The following FNDC3B variants were observed in gnomAD, a reference collection of about 807,000 sequenced individuals.
The protein encoded by FNDC3B is fibronectin type III domain-containing protein 3B.
In FNDC3B, 12 loss-of-function variants were observed where a neutral mutation model predicts 151.5. That is an observed-to-expected ratio of 0.08 (90% CI 0.05 to 0.13). The LOEUF (loss-of-function observed/expected upper bound fraction) is 0.13. Among genes scored for constraint, FNDC3B ranks in the 10% least tolerant of loss-of-function variants. The pLI is 1.00. For synonymous variants in FNDC3B, 528 were observed against 549.0 expected, an observed-to-expected ratio of 0.96 and a Z score of 0.54; for missense variants, 1,214 against 1,505.3, an observed-to-expected ratio of 0.81 and a Z score of 3.20.
rs1729784081 is a variant in FNDC3B at position 172,282,462 on chromosome 3, T to TCCCCATG, written c.791-3460_791-3454dup. On this transcript the variant is annotated intron_variant, in intron 6 of 25. Coordinates refer to ENST00000415807, the MANE Select transcript of FNDC3B (RefSeq NM_022763.4). ...GTGATTGCTTTGTCACTGCCTTCCC[T>TCCCCATG]CCCCATGCCCTGCCATTTTTATTTT... is the stretch of plus-strand genomic sequence containing the variant. 5.9e-5 allele frequency among the ~76,000 whole-genome samples: 9 copies of TCCCCATG among 152,294 alleles called. No homozygotes were observed. The South Asian group carries it at 1.9e-3, about 32-fold the overall frequency.
At chr3:172,059,763 T>G (rs1434083124) in intron 1 of FNDC3B, among the ~76,000 whole-genome samples, 2 of 152,208 alleles carry the variant, frequency 1.3e-5, no homozygotes. Flanking sequence ...TTGCTTAACT[T>G]TTAGCATAAT....
chr3:172,336,334 A>G (rs569093608), intron 15 of FNDC3B, among the ~76,000 whole-genome samples: 1 of 152,310 alleles, frequency 6.6e-6, no homozygotes, highest in South Asian at 2.1e-4. Flanking sequence ...CTCAGAAAAT[A>G]AAATTCCTTT....
intron 1 of FNDC3B, among the ~76,000 whole-genome samples, chr3:172,094,977 G>T (rs1167721660): frequency 2.0e-5 from 3 of 151,902 alleles, no homozygotes; most frequent in East Asian, 1.9e-4. Context: ...CTGAACTAGG[G>T]TGTTGCTGCT....
At chr3:172,046,731 G>T (rs893245684) in intron 1 of FNDC3B, among the ~76,000 whole-genome samples, 1 of 152,258 alleles carries the variant, frequency 6.6e-6, no homozygotes, top group East Asian at 1.9e-4. Context: ...AGTGTTATTT[G>T]AGGTTCTAGT....
At position 172,189,473 on chromosome 3, in the gene FNDC3B, G is replaced by A. The variant is rs1032094763; in HGVS notation, c.188-37398G>A. On this transcript the variant is annotated intron_variant, in intron 3 of 25. Transcript: ENST00000415807. ...GTTCTATTTTTGGAGTATGAAAGTA[G>A]TGCCTTCTTAAATCTAATAATAAAT... Among the ~76,000 whole-genome samples the A allele has an allele frequency of 1.6e-4, 24 of 152,294 alleles. No individual in the cohort carries two copies. The East Asian group carries it at 4.2e-3, about 27-fold the overall frequency.
intron 2 of FNDC3B, 131 bp downstream of exon 2, chr3:172,112,721 T>C (rs1720038554): frequency 1.5e-6 from 1 of 688,852 alleles, no homozygotes; most frequent in Admixed American, 2.2e-5. Context: ...AGTGTTTTTG[T>C]TGTAGAAATA....
At chr3:172,051,249 A>G (rs762663308) in intron 1 of FNDC3B, among the ~76,000 whole-genome samples, 80 of 148,308 alleles carry the variant, frequency 5.4e-4, no homozygotes, top group Non-Finnish European at 8.3e-4. Flanking sequence ...ATACCTGGCT[A>G]ATTTTGTATT....
intron 6 of FNDC3B, among the ~76,000 whole-genome samples, chr3:172,269,358 A>G (rs1010871686): frequency 2.0e-5 from 3 of 152,070 alleles, no homozygotes; most frequent in Admixed American, 1.3e-4. Context: ...ACTGCATCTC[A>G]AGTGATCCTC....
rs532571853 is a variant in FNDC3B at position 172,343,761 on chromosome 3, T to C, written c.2078-325T>C. 2.0e-5 allele frequency among the ~76,000 whole-genome samples: 3 copies of C among 152,358 alleles called. No individual in the cohort carries two copies. The South Asian group carries it at 6.2e-4, about 32-fold the overall frequency. ...TTTAGCATGACCTTTGGTTTCCAATTAAAGAGATTTTTCTTCCCTCTTTTT... is the reference window on the plus strand; with the variant it reads ...TTTAGCATGACCTTTGGTTTCCAATCAAAGAGATTTTTCTTCCCTCTTTTT... On this transcript the variant is annotated intron_variant, in intron 18 of 25. Transcript: ENST00000415807.
chr3:172,082,485 A>G (rs975455092), intron 1 of FNDC3B, among the ~76,000 whole-genome samples: 1 of 152,220 alleles, frequency 6.6e-6, no homozygotes, highest in African/African-American at 2.4e-5. Context: ...AAATTCCATT[A>G]TAAGCACATC....
At chr3:172,223,419 G>A (rs1726389233) in intron 3 of FNDC3B, among the ~76,000 whole-genome samples, 1 of 152,182 alleles carries the variant, frequency 6.6e-6, no homozygotes, top group South Asian at 2.1e-4. Context: ...GACAAAAGGG[G>A]GAACAAGCAT....
chr3:172,139,201 A>T (rs1721503113), intron 3 of FNDC3B, among the ~76,000 whole-genome samples: 2 of 151,180 alleles, frequency 1.3e-5, no homozygotes, highest in South Asian at 4.2e-4. Context: ...ATGATACTTT[A>T]AGTGCATTTA....
At chr3:172,296,381 T>G (rs374637906) in intron 8 of FNDC3B, among the ~76,000 whole-genome samples, 31 of 152,290 alleles carry the variant, frequency 2.0e-4, no homozygotes, top group African/African-American at 6.0e-4. Flanking sequence ...CCACAGACAG[T>G]CTTCCTGACA....
intron 23 of FNDC3B, among the ~76,000 whole-genome samples, chr3:172,372,166 C>T (rs1222661522): frequency 6.6e-6 from 1 of 152,198 alleles, no homozygotes. Context: ...CTTATATCAT[C>T]ACCCAGTGTG....
intron 3 of FNDC3B, among the ~76,000 whole-genome samples, chr3:172,191,914 G>T (rs1019412187): frequency 7.9e-5 from 12 of 152,122 alleles, no homozygotes; most frequent in Admixed American, 7.9e-4. Context: ...TAGCCTCTGG[G>T]CTTAGTGGGA....
At chr3:172,115,491 C>A (rs75275472) in intron 2 of FNDC3B, among the ~76,000 whole-genome samples, 337 of 152,262 alleles carry the variant, frequency 2.2e-3, no homozygotes, top group African/African-American at 7.6e-3. Context: ...TAAGAGCCTG[C>A]GTAATGTGGT....
At chr3:172,097,100 A>G (rs1442161622) in intron 1 of FNDC3B, among the ~76,000 whole-genome samples, 4 of 152,116 alleles carry the variant, frequency 2.6e-5, no homozygotes, top group Admixed American at 2.0e-4. Context: ...ATCTTTGCTG[A>G]TTCCCATTTG....
chr3:172,171,061 G>A (rs2108634683), intron 3 of FNDC3B, among the ~76,000 whole-genome samples: 1 of 152,302 alleles, frequency 6.6e-6, no homozygotes, highest in African/African-American at 2.4e-5. Context: ...TTCTGTGCAG[G>A]GTCTATGTGG....
chr3:172,296,732 G>C (rs758903800), intron 8 of FNDC3B, among the ~76,000 whole-genome samples: 1 of 152,198 alleles, frequency 6.6e-6, no homozygotes, highest in African/African-American at 2.4e-5. Context: ...GCAAGGAACA[G>C]ATGCAATTGA....
Sources: allele counts gnomAD v4.1 joint callset (sites outside exome capture counted in the v4.1 genomes callset), GRCh38; gene constraint gnomAD v4.1.1; transcripts MANE v1.5; gene names NCBI Gene and HGNC (gene_info 2026-07-23, HGNC 2026-07-21).